Variants in BAZ2B observed in about 807,000 individuals in gnomAD.
The protein encoded by BAZ2B is bromodomain adjacent to zinc finger domain 2B, also known as bromodomain adjacent to zinc finger domain protein 2B.
In BAZ2B, 91 loss-of-function variants were observed where a neutral mutation model predicts 246.0. The ratio of observed to expected loss-of-function variants is 0.37; its 90% CI spans 0.31 to 0.44. The LOEUF is 0.44. Among genes scored for constraint, BAZ2B ranks in the 20% least tolerant of loss-of-function variants. The probability of loss-of-function intolerance (pLI) is 1.00; values close to 1 mark genes in which losing one functional copy is unlikely to be tolerated. For synonymous variants in BAZ2B, 855 were observed against 860.0 expected (o/e 0.99, Z 0.10); for missense variants, 2,332 against 2,533.7 (o/e 0.92, Z 1.71).
intron 2 of BAZ2B, 105 bp downstream of exon 2, chr2:159,555,718 A>G (rs1377559829): frequency 1.5e-5 from 2 of 136,926 alleles, no homozygotes; most frequent in Non-Finnish European, 3.1e-5. Flanking sequence ...TCAACTGGCT[A>G]GCAAAAGAAA....
At chr2:159,709,990 G>GT in the BAZ2B span, among the ~76,000 whole-genome samples, 69,393 of 151,880 alleles carry the variant, frequency 0.46, 16,698 homozygotes, top group Middle Eastern at 0.64. Context: ...ATACAGAAAG[G>GT]TATGTCAGAG....
At chr2:159,355,628 T>C (rs1009442152) in intron 27 of BAZ2B, among the ~76,000 whole-genome samples, 1 of 152,156 alleles carries the variant, frequency 6.6e-6, no homozygotes, top group Non-Finnish European at 1.5e-5. Context: ...TTCCTTCCAA[T>C]ACTGAATAAA....
intron 1 of BAZ2B, among the ~76,000 whole-genome samples, chr2:159,582,073 AT>A (rs1686947044): frequency 6.6e-6 from 1 of 152,252 alleles, no homozygotes; most frequent in South Asian, 2.1e-4. Flanking sequence ...TATAAAAAAA[AT>A]GCTTACACAT....
At chr2:159,392,665 G>GTTCTTACTT (rs2063494219) in intron 20 of BAZ2B, among the ~76,000 whole-genome samples, 2 of 152,184 alleles carry the variant, frequency 1.3e-5, no homozygotes, top group South Asian at 4.1e-4. Context: ...TCTAAGTATT[G>GTTCTTACTT]TTCTTACTTC....
intron 33 of BAZ2B, among the ~76,000 whole-genome samples, chr2:159,334,227 G>A (rs2065245002): frequency 6.6e-6 from 1 of 152,108 alleles, no homozygotes; most frequent in Non-Finnish European, 1.5e-5. Flanking sequence ...TACTTTTAAA[G>A]AAAGGGTGAC....
chr2:159,357,058 T>G (rs1289893290), intron 27 of BAZ2B, among the ~76,000 whole-genome samples: 1 of 152,044 alleles, frequency 6.6e-6, no homozygotes, highest in Non-Finnish European at 1.5e-5. Context: ...AAAACCAGAA[T>G]GCCTCTTCTC....
intron 2 of BAZ2B, among the ~76,000 whole-genome samples, chr2:159,502,494 C>A (rs1181111451): frequency 6.6e-6 from 1 of 150,686 alleles, no homozygotes; most frequent in Non-Finnish European, 1.5e-5. Context: ...ATTAGCCAAG[C>A]ATGGTGGCAC....
intron 1 of BAZ2B, among the ~76,000 whole-genome samples, chr2:159,562,327 T>TA (rs1294682817): frequency 5.3e-5 from 8 of 152,170 alleles, no homozygotes; most frequent in Admixed American, 2.6e-4. Context: ...TTGCTTGTGA[T>TA]AAAAAACCAT....
At chr2:159,467,422 C>G (rs1371855275) in intron 3 of BAZ2B, among the ~76,000 whole-genome samples, 2 of 151,936 alleles carry the variant, frequency 1.3e-5, no homozygotes, top group Non-Finnish European at 2.9e-5. Flanking sequence ...CGGGCCTTTC[C>G]CCCCCAGGTT....
intron 2 of BAZ2B, among the ~76,000 whole-genome samples, chr2:159,520,678 C>G (rs2084033122): frequency 6.6e-6 from 1 of 152,128 alleles, no homozygotes; most frequent in East Asian, 1.9e-4. Flanking sequence ...AAATTTTTAC[C>G]ATACAGGTGA....
At chr2:159,340,693 A>G (rs2066528782) in intron 31 of BAZ2B, among the ~76,000 whole-genome samples, 1 of 152,054 alleles carries the variant, frequency 6.6e-6, no homozygotes. Context: ...GAGAAAAAGA[A>G]TCTTTTACAG....
intron 2 of BAZ2B, among the ~76,000 whole-genome samples, chr2:159,548,036 A>ATTAC (rs2087622751): frequency 6.6e-6 from 1 of 152,188 alleles, no homozygotes. Flanking sequence ...GTAGAGGTAA[A>ATTAC]GAGAGGGTTT....
the BAZ2B span, among the ~76,000 whole-genome samples, chr2:159,634,925 C>T: frequency 6.6e-6 from 1 of 152,036 alleles, no homozygotes; most frequent in South Asian, 2.1e-4. Context: ...CAAAGAGAGG[C>T]GAATTATCTT....
rs987433552 is a variant in BAZ2B, at chr2:159,536,291, A to G, written c.-3+19532T>C. Reference sequence around the variant, plus strand: ...GTGGGAGTGGAGAAAAAAACAAAGAAATCTGTCACTGGTTGTGAACAATTA... The same window carrying G: ...GTGGGAGTGGAGAAAAAAACAAAGAGATCTGTCACTGGTTGTGAACAATTA... On this transcript the variant is annotated intron_variant, in intron 2 of 36. Transcript: ENST00000392783. 3 of 152,180 alleles carry G rather than the reference A, an allele frequency of 2.0e-5. No homozygotes were observed. The East Asian group carries it at 5.8e-4, about 29-fold the overall frequency. The allele number at this position is 152,180 out of a possible 1,614,324, so 9.4% of individuals were successfully genotyped here.
intron 6 of BAZ2B, among the ~76,000 whole-genome samples, chr2:159,441,489 A>T (rs1363528415): frequency 1.3e-5 from 2 of 150,136 alleles, no homozygotes; most frequent in Admixed American, 1.3e-4. Flanking sequence ...AAACAAACAG[A>T]AATGAGAAGA....
At chr2:159,359,607 A>G (rs2059472005) in intron 27 of BAZ2B, among the ~76,000 whole-genome samples, 2 of 152,154 alleles carry the variant, frequency 1.3e-5, no homozygotes, top group African/African-American at 4.8e-5. Context: ...CTCATTTTAT[A>G]AGGCCAGCGT....
intron 34 of BAZ2B, among the ~76,000 whole-genome samples, chr2:159,327,021 A>G (rs1170549968): frequency 6.6e-6 from 1 of 151,666 alleles, no homozygotes; most frequent in Non-Finnish European, 1.5e-5. Flanking sequence ...AAGTCACATA[A>G]TCAGTGTAGC....
At chr2:159,672,479 C>A in the BAZ2B span, among the ~76,000 whole-genome samples, 1 of 152,144 alleles carries the variant, frequency 6.6e-6, no homozygotes, top group East Asian at 1.9e-4. Flanking sequence ...ATGCAATTTT[C>A]ATTAAAATAG....
At chr2:159,654,015 A>G in the BAZ2B span, among the ~76,000 whole-genome samples, 1 of 152,200 alleles carries the variant, frequency 6.6e-6, no homozygotes, top group Non-Finnish European at 1.5e-5. Flanking sequence ...AGAGTACAGG[A>G]GCTTTAAACA....
Sources: allele counts gnomAD v4.1 joint callset (sites outside exome capture counted in the v4.1 genomes callset), GRCh38; gene constraint gnomAD v4.1.1; transcripts MANE v1.5; gene names NCBI Gene and HGNC (gene_info 2026-07-23, HGNC 2026-07-21).